The following TPX2 variants were observed in gnomAD, a reference collection of about 807,000 sequenced individuals.
TPX2 encodes the protein TPX2 microtubule nucleation factor.
In TPX2, 21 loss-of-function variants were observed where a neutral mutation model predicts 93.6. The ratio of observed to expected loss-of-function variants is 0.22; its 90% CI spans 0.16 to 0.32. TPX2 has a LOEUF of 0.32. Ranked by LOEUF, TPX2 falls within the 10% of genes least tolerant of loss-of-function variation. TPX2 has a pLI of 1.00. For synonymous variants in TPX2, 281 were observed against 298.3 expected, an observed-to-expected ratio of 0.94 and a Z score of 0.60; for missense variants, 776 against 871.1, an observed-to-expected ratio of 0.89 and a Z score of 1.37.
rs2061978917 is a variant in TPX2 at position 31,773,755 on chromosome 20, A to G, written c.608+2073A>G. On this transcript the variant is annotated intron_variant, in intron 7 of 17. Transcript: ENST00000300403. ...TGATAATTTATAGTTGTATATATTTATACAGTACAAAGTGATGTTATGATT... is the reference window on the plus strand; with the variant it reads ...TGATAATTTATAGTTGTATATATTTGTACAGTACAAAGTGATGTTATGATT... Among the ~76,000 whole-genome samples, 6 of 152,348 alleles carry G rather than the reference A, an allele frequency of 3.9e-5. 1 individual carries two copies. The East Asian group carries it at 7.7e-4, about 20-fold the overall frequency.
intron 15 of TPX2, 125 bp downstream of exon 15, chr20:31,794,673 C>A: frequency 8.3e-7 from 1 of 1,207,474 alleles, no homozygotes; most frequent in Non-Finnish European, 1.1e-6. Flanking sequence ...CACTGTAAAT[C>A]AGGGGTCAGC....
chr20:31,783,744 T>A lies in TPX2; in HGVS notation c.1236T>A (p.Leu412=). 6.2e-7 allele frequency: 1 copy of A among 1,612,782 alleles called. No homozygotes were observed. The highest frequency in any genetic ancestry group is 8.5e-7 in the Non-Finnish European group (1 of 1,179,654). ...CACGTGAACTTGATCCCAGAATACT[T>A]GAAGGTGGGCCCATCTTGCCCAAGA... The part of the protein sequence containing the change: ...FKARELDPRI[L]EGGPILPKKP... Residue 412 remains leucine, a synonymous_variant, in exon 12 of 18, where the codon CTT becomes CTA. Coordinates refer to ENST00000300403, the MANE Select transcript of TPX2 (RefSeq NM_012112.5).
In TPX2 at chr20:31,739,363, A is replaced by G. The variant is rs1300959662; in HGVS notation, c.-436A>G. Reference sequence around the variant, plus strand: ...GCGAGGCTAGGTGAGCCGTGGGAAGAAAAGAGGGAGCAGCTAGGGCGCGGG... The same window carrying G: ...GCGAGGCTAGGTGAGCCGTGGGAAGGAAAGAGGGAGCAGCTAGGGCGCGGG... On this transcript the variant is annotated 5_prime_UTR_variant, in exon 1 of 18. Transcript: ENST00000300403. The G allele has an allele frequency of 6.6e-6, 1 of 152,264 alleles. No individual in the cohort carries two copies. Among genetic ancestry groups the G allele is most frequent in the Non-Finnish European group, 1.5e-5 (1 of 68,072 alleles). The allele number at this position is 152,264 out of a possible 1,614,324, so 9.4% of individuals were successfully genotyped here.
intron 13 of TPX2, among the ~76,000 whole-genome samples, chr20:31,793,148 T>C (rs1325856600): frequency 6.6e-6 from 1 of 152,198 alleles, no homozygotes; most frequent in Admixed American, 6.5e-5. Context: ...AGTTGCACTT[T>C]ATTTTGCCTT....
intron 4 of TPX2, among the ~76,000 whole-genome samples, chr20:31,766,019 A>T (rs1165282033): frequency 1.1e-4 from 16 of 152,170 alleles, no homozygotes. Flanking sequence ...AACTTTCTTA[A>T]ATTAGTGCAG....
chr20:31,776,289 C>G (rs2061999198), intron 8 of TPX2, among the ~76,000 whole-genome samples: 1 of 151,188 alleles, frequency 6.6e-6, no homozygotes, highest in Non-Finnish European at 1.5e-5. Context: ...ACCTTGTTAG[C>G]CAGGATGGTC....
chr20:31,744,312 G>T (rs1484061129), intron 2 of TPX2, among the ~76,000 whole-genome samples: 1 of 151,136 alleles, frequency 6.6e-6, no homozygotes, highest in Non-Finnish European at 1.5e-5. Context: ...ACAGGCACCC[G>T]CAACCACACC....
intron 12 of TPX2, among the ~76,000 whole-genome samples, chr20:31,790,581 C>G (rs6089071): frequency 0.28 from 43,083 of 152,132 alleles, 7,484 homozygotes; most frequent in African/African-American, 0.48. Context: ...TTGAAAGCCA[C>G]TCCAAGAAAG....
At position 31,770,428 on chromosome 20, in the gene TPX2, C is replaced by T; in HGVS notation, c.442C>T (p.Pro148Ser). The change falls in exon 6 of 18, where the codon CCT becomes TCT. Residue 148 changes from proline to serine, a missense_variant. Pro to Ser is a moderately conservative substitution (Grantham distance 74). Transcript: ENST00000300403. ...AATGAAAGCCAAGAGATGTGCCACT[C>T]CTGTAATCATCGATGAAATTCTACC... ...VKMKAKRCAT[P>S]VIIDEILPSK... 6.2e-7 allele frequency: 1 copy of T among 1,602,408 alleles called. No individual in the cohort carries two copies. The highest frequency in any genetic ancestry group is 8.5e-7 in the Non-Finnish European group (1 of 1,174,764).
Position 31,739,355 on chromosome 20 carries a change from G to C in TPX2, c.-444G>C, listed in dbSNP as rs2061740551. On this transcript the variant is annotated 5_prime_UTR_variant, in exon 1 of 18. Transcript: ENST00000300403. Reference sequence around the variant, plus strand: ...GATCTGAGGCGAGGCTAGGTGAGCCGTGGGAAGAAAAGAGGGAGCAGCTAG... The same window carrying C: ...GATCTGAGGCGAGGCTAGGTGAGCCCTGGGAAGAAAAGAGGGAGCAGCTAG... 2.0e-5 allele frequency: 3 copies of C among 152,396 alleles called. No homozygotes were observed. The highest frequency in any genetic ancestry group is 4.1e-4 in the South Asian group (2 of 4,830). The allele number at this position is 152,396 out of a possible 1,614,324, so 9.4% of individuals were successfully genotyped here.
At chr20:31,771,109 C>T (rs1311937523) in intron 6 of TPX2, among the ~76,000 whole-genome samples, 2 of 152,164 alleles carry the variant, frequency 1.3e-5, no homozygotes, top group Non-Finnish European at 2.9e-5. Flanking sequence ...CCTTAAATTT[C>T]ATTTCATTCG....
intron 10 of TPX2, 107 bp from the exon 11 acceptor site, chr20:31,782,142 C>A: frequency 7.1e-7 from 1 of 1,417,542 alleles, no homozygotes; most frequent in South Asian, 1.5e-5. Context: ...GTGGGCCCAC[C>A]ACTCTGTGGT....
rs996038776 is a variant in TPX2, at chr20:31,784,975, T to G, written c.1413+1054T>G. 2.0e-5 allele frequency among the ~76,000 whole-genome samples: 3 copies of G among 152,210 alleles called. No individual in the cohort carries two copies. In the South Asian group the frequency reaches 6.2e-4, roughly 31 times the overall value. On this transcript the variant is annotated intron_variant, in intron 12 of 17. Coordinates refer to ENST00000300403, the MANE Select transcript of TPX2 (RefSeq NM_012112.5). ...CCTATCTTCTTTCTTTTTGCTTGCT[T>G]TAGAGTCACCATGCTTTTAGGGGAA...
intron 6 of TPX2, among the ~76,000 whole-genome samples, chr20:31,770,725 G>A (rs989992920): frequency 2.6e-5 from 4 of 152,008 alleles, no homozygotes; most frequent in African/African-American, 4.8e-5. Context: ...TTGTTTTTAC[G>A]GCTAATAACA....
chr20:31,747,872 AT>A (rs948293769), intron 2 of TPX2, among the ~76,000 whole-genome samples: 1 of 148,178 alleles, frequency 6.7e-6, no homozygotes, highest in Non-Finnish European at 1.5e-5. Flanking sequence ...GGGCTCTCTC[AT>A]TTAAACAGCT....
chr20:31,796,471 A>G (rs2123097631), intron 15 of TPX2, among the ~76,000 whole-genome samples: 1 of 152,224 alleles, frequency 6.6e-6, no homozygotes, highest in East Asian at 1.9e-4. Flanking sequence ...CAATATCCAT[A>G]TATAGTCTAC....
chr20:31,763,724 T>TA (rs59322877), intron 4 of TPX2, among the ~76,000 whole-genome samples: 54,310 of 148,084 alleles, frequency 0.37, 11,992 homozygotes, highest in African/African-American at 0.61. Flanking sequence ...AAATTTAATT[T>TA]TTTTTTTTTT....
At chr20:31,756,764 C>T (rs1404092077) in intron 2 of TPX2, among the ~76,000 whole-genome samples, 1 of 152,018 alleles carries the variant, frequency 6.6e-6, no homozygotes, top group Admixed American at 6.6e-5. Flanking sequence ...GCTAGAATTA[C>T]AGGCGCCTGC....
At chr20:31,800,364 C>T (rs1386466997) in intron 17 of TPX2, among the ~76,000 whole-genome samples, 1 of 152,166 alleles carries the variant, frequency 6.6e-6, no homozygotes, top group Non-Finnish European at 1.5e-5. Context: ...AGAACTGCTT[C>T]TTGCAGCAAT....
Sources: gnomAD v4.1 joint callset for allele counts (sites outside exome capture counted in the v4.1 genomes callset) on GRCh38, gnomAD v4.1.1 for gene constraint, MANE v1.5 for transcripts, NCBI Gene and HGNC (gene_info 2026-07-23, HGNC 2026-07-21) for gene names.